The following TNKS variants were observed in gnomAD, a reference collection of about 807,000 sequenced individuals.
TNKS encodes the protein poly [ADP-ribose] polymerase tankyrase-1.
Under a neutral mutation model 135.8 loss-of-function variants are expected in TNKS, and 72 were observed. The observed-to-expected ratio is 0.53, with a 90% CI of 0.44 to 0.64. The LOEUF is 0.64. Ranked by LOEUF, TNKS falls within the 30% of genes least tolerant of loss-of-function variation. The pLI, the probability that TNKS is intolerant of heterozygous loss-of-function variation, is 0.00. For synonymous variants in TNKS, 849 were observed against 649.3 expected (o/e 1.31, Z -4.68); for missense variants, 1,769 against 1,674.0 (o/e 1.06, Z -0.99).
intron 3 of TNKS, among the ~76,000 whole-genome samples, chr8:9,644,986 C>G (rs1388479629): frequency 1.3e-5 from 2 of 152,146 alleles, no homozygotes; most frequent in Non-Finnish European, 2.9e-5. Flanking sequence ...GTAGACTAGG[C>G]TAAGCTATGA....
chr8:9,651,992 C>T (rs547960021), intron 3 of TNKS, among the ~76,000 whole-genome samples: 5 of 152,288 alleles, frequency 3.3e-5, no homozygotes, highest in African/African-American at 9.6e-5. Flanking sequence ...ATATGCGTTT[C>T]ATGCAGTCAT....
At chr8:9,750,725 A>T (rs1051458956) in intron 18 of TNKS, among the ~76,000 whole-genome samples, 1 of 152,094 alleles carries the variant, frequency 6.6e-6, no homozygotes, top group African/African-American at 2.4e-5. Flanking sequence ...GCCACCCCCA[A>T]ACCCACTGAG....
At chr8:9,765,440 T>C (rs529101483) in intron 23 of TNKS, among the ~76,000 whole-genome samples, 1 of 152,270 alleles carries the variant, frequency 6.6e-6, no homozygotes, top group South Asian at 2.1e-4. Flanking sequence ...TACCTATTTT[T>C]TTTTTTAATC....
chr8:9,781,813 T>G lies in TNKS; in HGVS notation c.*5077T>G, dbSNP rs1369109581. 1 of 152,610 alleles carries G rather than the reference T, an allele frequency of 6.6e-6. No individual in the cohort carries two copies. Among genetic ancestry groups the G allele is most frequent in the African/African-American group, 2.4e-5 (1 of 41,456 alleles). The allele number at this position is 152,610 out of a possible 1,614,324, so 9.5% of individuals were successfully genotyped here. A position where few individuals can be genotyped will look rare whatever the true frequency, so the allele number is the denominator to read the frequency against. On this transcript the variant is annotated 3_prime_UTR_variant, in exon 27 of 27. Coordinates refer to ENST00000310430, the MANE Select transcript of TNKS (RefSeq NM_003747.3). Reference sequence around the variant, plus strand: ...ACTCTTTGGTTCATTATTCGTGTTGTTTTTATTTTTAGTCTCTGTGTGACC... The same window carrying G: ...ACTCTTTGGTTCATTATTCGTGTTGGTTTTATTTTTAGTCTCTGTGTGACC...
rs369293360 is a variant in TNKS, at chr8:9,761,671, A to C, written c.3274+35A>C. 3.8e-6 allele frequency: 6 copies of C among 1,578,844 alleles called. No individual in the cohort carries two copies. The African/African-American group carries it at 8.3e-5, about 22-fold the overall frequency. On this transcript the variant is annotated intron_variant, in intron 21 of 26. Coordinates refer to ENST00000310430, the MANE Select transcript of TNKS (RefSeq NM_003747.3). ...TCAGAAAAAAAAAAAAATTTCAGAA[A>C]TCAGTGGTACAAGGTAAGTATTGGG...
chr8:9,747,673 A>G (rs754860401), intron 17 of TNKS, among the ~76,000 whole-genome samples: 2 of 152,248 alleles, frequency 1.3e-5, no homozygotes, highest in Non-Finnish European at 2.9e-5. Context: ...CATTAACAGA[A>G]GATTTGAATT....
intron 23 of TNKS, 53 bp from the exon 24 acceptor site, chr8:9,765,639 A>T: frequency 1.4e-6 from 2 of 1,448,772 alleles, no homozygotes; most frequent in Non-Finnish European, 1.9e-6. Context: ...TTTCATTTTA[A>T]ATCATAAATG....
At chr8:9,583,557 C>G (rs773824170) in intron 2 of TNKS, among the ~76,000 whole-genome samples, 1 of 151,898 alleles carries the variant, frequency 6.6e-6, no homozygotes, top group Non-Finnish European at 1.5e-5. Context: ...GGCGCGATCT[C>G]TGCTCACTGC....
At chr8:9,589,855 A>C (rs1391352224) in intron 2 of TNKS, among the ~76,000 whole-genome samples, 2 of 152,238 alleles carry the variant, frequency 1.3e-5, no homozygotes, top group Non-Finnish European at 2.9e-5. Context: ...TTTGTGAAAG[A>C]AGTCTTCTGA....
chr8:9,684,984 G>C (rs552618283), intron 5 of TNKS, among the ~76,000 whole-genome samples: 47 of 152,188 alleles, frequency 3.1e-4, no homozygotes, highest in African/African-American at 9.9e-4. Context: ...TAACGCTTTA[G>C]TATTTAGTAT....
chr8:9,563,263 T>C (rs1453109116), intron 1 of TNKS, among the ~76,000 whole-genome samples: 1 of 152,158 alleles, frequency 6.6e-6, no homozygotes, highest in Non-Finnish European at 1.5e-5. Context: ...ACTGTCACTT[T>C]CTTTTGAATC....
chr8:9,599,928 C>T (rs1026350884), intron 2 of TNKS, among the ~76,000 whole-genome samples: 11 of 152,256 alleles, frequency 7.2e-5, no homozygotes, highest in South Asian at 2.1e-4. Context: ...ATGCATTTAA[C>T]TCATTAAGTC....
At chr8:9,771,540 TGAGAGAGGAAGCAAGGGAGAAAGC>T (rs1334192317) in intron 26 of TNKS, among the ~76,000 whole-genome samples, 5 of 93,564 alleles carry the variant, frequency 5.3e-5, no homozygotes, top group Non-Finnish European at 8.5e-5. Flanking sequence ...GGAGAAAGAC[TGAGAGAGGAAGCAAGGGAGAAAGC>T]GAGAGAGGAA....
intron 17 of TNKS, 29 bp downstream of exon 17, chr8:9,735,515 A>T: frequency 6.3e-7 from 1 of 1,582,894 alleles, no homozygotes; most frequent in Non-Finnish European, 8.7e-7. Flanking sequence ...AAATCTAGAA[A>T]ACTGACCGCA....
At chr8:9,748,592 A>AT (rs1563207440) in intron 18 of TNKS, among the ~76,000 whole-genome samples, 1 of 152,212 alleles carries the variant, frequency 6.6e-6, no homozygotes, top group Non-Finnish European at 1.5e-5. Context: ...TCAAAGAAAA[A>AT]TTAACTCTGG....
intron 20 of TNKS, among the ~76,000 whole-genome samples, chr8:9,757,691 A>T (rs1171272941): frequency 6.6e-6 from 1 of 152,220 alleles, no homozygotes; most frequent in Non-Finnish European, 1.5e-5. Flanking sequence ...TCAAGTAAAT[A>T]GCATGAACTT....
At chr8:9,593,804 T>TG (rs1798673909) in intron 2 of TNKS, among the ~76,000 whole-genome samples, 1 of 152,146 alleles carries the variant, frequency 6.6e-6, no homozygotes, top group Admixed American at 6.6e-5. Flanking sequence ...GGATTGGGGA[T>TG]GGGGGAAAGA....
chr8:9,751,023 C>T (rs1806496982), intron 18 of TNKS, among the ~76,000 whole-genome samples: 2 of 152,124 alleles, frequency 1.3e-5, no homozygotes, highest in African/African-American at 4.8e-5. Flanking sequence ...CTTCTCCATT[C>T]TATTGGTCAA....
chr8:9,580,435 T>G (rs7822548), intron 2 of TNKS, 52 bp downstream of exon 2: 4 of 1,522,476 alleles, frequency 2.6e-6, no homozygotes, highest in South Asian at 1.2e-5. Flanking sequence ...TATTCTTACT[T>G]TTTTTGTGGT....
Sources: allele counts gnomAD v4.1 joint callset (sites outside exome capture counted in the v4.1 genomes callset), GRCh38; gene constraint gnomAD v4.1.1; transcripts MANE v1.5; gene names NCBI Gene and HGNC (gene_info 2026-07-23, HGNC 2026-07-21).